PLEKHA7: variants seen among roughly 807,000 people sequenced by gnomAD.
PLEKHA7 encodes pleckstrin homology domain-containing family A member 7.
In PLEKHA7, 104 loss-of-function variants were observed where a neutral mutation model predicts 170.0. That is an observed-to-expected ratio of 0.61 (90% CI 0.52 to 0.72). The LOEUF is 0.72. Among genes scored for constraint, PLEKHA7 ranks in the 30% least tolerant of loss-of-function variants. The pLI, the probability that PLEKHA7 is intolerant of heterozygous loss-of-function variation, is 0.00. For missense variants in PLEKHA7, 1,615 were observed against 1,671.7 expected (o/e 0.97, Z 0.59); for synonymous variants, 648 against 660.8 (o/e 0.98, Z 0.30).
chr11:16,870,300 C>A (rs1221116684), intron 4 of PLEKHA7, among the ~76,000 whole-genome samples: 3 of 152,074 alleles, frequency 2.0e-5, no homozygotes, highest in Non-Finnish European at 4.4e-5. Context: ...TACCCCCACC[C>A]CCACACACAC....
chr11:16,798,152 C>T (rs1564922468), intron 17 of PLEKHA7, among the ~76,000 whole-genome samples: 1 of 152,226 alleles, frequency 6.6e-6, no homozygotes, highest in Non-Finnish European at 1.5e-5. Context: ...AATTTCTAAG[C>T]CCTGTTACTG....
chr11:16,900,621 T>C (rs766457618), intron 3 of PLEKHA7, among the ~76,000 whole-genome samples: 1 of 152,142 alleles, frequency 6.6e-6, no homozygotes, highest in East Asian at 1.9e-4. Context: ...GTATACAACA[T>C]TGTGATCATT....
At chr11:16,941,348 C>A (rs1162770083) in intron 3 of PLEKHA7, among the ~76,000 whole-genome samples, 1 of 152,186 alleles carries the variant, frequency 6.6e-6, no homozygotes, top group African/African-American at 2.4e-5. Context: ...TATCTTTGGG[C>A]TGCTCTATTG....
chr11:16,891,562 G>C (rs1856615658), intron 3 of PLEKHA7, among the ~76,000 whole-genome samples: 1 of 152,234 alleles, frequency 6.6e-6, no homozygotes, highest in Non-Finnish European at 1.5e-5. Flanking sequence ...ATCTGTATTA[G>C]TTTAGTGGCT....
intron 9 of PLEKHA7, among the ~76,000 whole-genome samples, chr11:16,835,150 A>T (rs1473902162): frequency 6.6e-6 from 1 of 152,214 alleles, no homozygotes; most frequent in African/African-American, 2.4e-5. Flanking sequence ...ACATGCCTGT[A>T]GTCCTAGCTA....
chr11:16,827,927 T>C (rs1203341195), intron 9 of PLEKHA7, among the ~76,000 whole-genome samples: 4 of 149,804 alleles, frequency 2.7e-5, no homozygotes, highest in African/African-American at 7.3e-5. Context: ...ATAATAGAAA[T>C]GCTACTGCAT....
intron 3 of PLEKHA7, among the ~76,000 whole-genome samples, chr11:16,950,113 G>T (rs1258518299): frequency 6.6e-6 from 1 of 151,166 alleles, no homozygotes; most frequent in African/African-American, 2.4e-5. Context: ...ACAGAGAAGG[G>T]AGGGAGCAGG....
intron 4 of PLEKHA7, among the ~76,000 whole-genome samples, chr11:16,869,042 T>C (rs759798635): frequency 2.0e-5 from 3 of 152,220 alleles, no homozygotes; most frequent in Non-Finnish European, 4.4e-5. Context: ...CCGGGATGCC[T>C]GAGGACTGAA....
At chr11:16,958,174 G>A (rs1003527698) in intron 3 of PLEKHA7, among the ~76,000 whole-genome samples, 3 of 151,908 alleles carry the variant, frequency 2.0e-5, no homozygotes, top group Non-Finnish European at 4.4e-5. Flanking sequence ...AAAATTAGCT[G>A]AGCATGGTGG....
At chr11:16,803,611 A>C in intron 13 of PLEKHA7, 1 of 325,824 alleles carries the variant, frequency 3.1e-6, no homozygotes, top group Non-Finnish European at 5.9e-6. Context: ...AAAAATCAGC[A>C]TGAATCTTGG....
rs552284525 is a variant in PLEKHA7 at position 16,848,910 on chromosome 11, G to T, written c.696+2281C>A. Among the ~76,000 whole-genome samples the T allele has an allele frequency of 4.6e-5, 7 of 152,270 alleles. No individual in the cohort carries two copies. The South Asian group carries it at 1.5e-3, about 32-fold the overall frequency. ...GTCAAGGCCAATCACAAAACACTGTGTATTCCTTGGTATGCCCAAGAATAT... is the reference window on the plus strand; with the variant it reads ...GTCAAGGCCAATCACAAAACACTGTTTATTCCTTGGTATGCCCAAGAATAT... On this transcript the variant is annotated intron_variant, in intron 8 of 26. Transcript: ENST00000531066.
intron 5 of PLEKHA7, 64 bp downstream of exon 5, chr11:16,855,739 G>T: frequency 8.0e-7 from 1 of 1,244,354 alleles, no homozygotes; most frequent in Non-Finnish European, 1.2e-6. Context: ...TGGACTTCTG[G>T]TTACAAAGGG....
intron 3 of PLEKHA7, among the ~76,000 whole-genome samples, chr11:16,889,702 GAA>G (rs1185213126): frequency 1.3e-5 from 2 of 152,054 alleles, no homozygotes; most frequent in African/African-American, 4.8e-5. Flanking sequence ...TTCAGAGAGA[GAA>G]GAAGAAAATA....
At chr11:16,802,300 G>T (rs991613576) in intron 15 of PLEKHA7, among the ~76,000 whole-genome samples, 1 of 152,194 alleles carries the variant, frequency 6.6e-6, no homozygotes, top group African/African-American at 2.4e-5. Context: ...CCATAGCCCA[G>T]ATCCTAGGAG....
intron 3 of PLEKHA7, among the ~76,000 whole-genome samples, chr11:16,913,562 C>G (rs909528102): frequency 1.3e-5 from 2 of 152,218 alleles, no homozygotes; most frequent in Non-Finnish European, 2.9e-5. Context: ...CAGCTTTGCT[C>G]TGTTCCACTC....
chr11:16,840,358 C>T (rs1176395452), intron 9 of PLEKHA7, among the ~76,000 whole-genome samples: 3 of 152,076 alleles, frequency 2.0e-5, no homozygotes, highest in Non-Finnish European at 4.4e-5. Context: ...GTCAGGAGTT[C>T]AAGACCAGCC....
intron 3 of PLEKHA7, chr11:16,881,573 T>C (rs1339559729): frequency 6.6e-6 from 1 of 152,262 alleles, no homozygotes; most frequent in East Asian, 1.9e-4. Flanking sequence ...TGGCTAGAGG[T>C]AATCAACCAG....
intron 4 of PLEKHA7, 50 bp downstream of exon 4, chr11:16,871,049 T>G (rs1403100538): frequency 7.0e-7 from 1 of 1,433,442 alleles, no homozygotes; most frequent in African/African-American, 1.4e-5. Context: ...GCAAATGCCT[T>G]TAGTCTCCCA....
At chr11:17,013,660 G>A (rs1865462175) in intron 3 of PLEKHA7, among the ~76,000 whole-genome samples, 2 of 152,374 alleles carry the variant, frequency 1.3e-5, no homozygotes, top group African/African-American at 4.8e-5. Context: ...GCCTCTCCCG[G>A]CGGGGCGCAG....
Sources: allele counts gnomAD v4.1 joint callset (sites outside exome capture counted in the v4.1 genomes callset), GRCh38; gene constraint gnomAD v4.1.1; transcripts MANE v1.5; gene names NCBI Gene and HGNC (gene_info 2026-07-23, HGNC 2026-07-21).